PER2: variants seen among roughly 807,000 people sequenced by gnomAD.
PER2 encodes period circadian protein homolog 2.
In PER2, 66 loss-of-function variants were observed where a neutral mutation model predicts 121.0. The observed-to-expected ratio is 0.55, with a 90% CI of 0.45 to 0.67. The LOEUF is 0.67. Among genes scored for constraint, PER2 ranks in the 30% least tolerant of loss-of-function variants. The probability of loss-of-function intolerance (pLI) is 0.00; values close to 1 mark genes in which losing one functional copy is unlikely to be tolerated. For missense variants in PER2, 1,521 were observed against 1,635.0 expected (o/e 0.93, Z 1.20); for synonymous variants, 684 against 659.9 (o/e 1.04, Z -0.56).
Position 238,268,144 on chromosome 2 carries a change from G to A in PER2, c.879C>T (p.Pro293=). 6.2e-7 allele frequency: 1 copy of A among 1,614,122 alleles called. No individual in the cohort carries two copies. The highest frequency in any genetic ancestry group is 1.1e-5 in the South Asian group (1 of 91,086). ...EIRYHPFRMT[P]YLVKVRDQQG... ...GTTGGTCCCGCACCTTGACCAGGTA[G>A]GGCGTCATGCGGAAGGGGTGGTAGC... Residue 293 remains proline, a synonymous_variant, in exon 8 of 23, where the codon CCC becomes CCT. Coordinates refer to ENST00000254657, the MANE Select transcript of PER2 (RefSeq NM_022817.3). This position sits in a 1 kb window ranked among gnomAD's most constrained non-coding sequence, Gnocchi z 4.0.
intron 5 of PER2, 62 bp from the exon 6 acceptor site, chr2:238,271,575 T>G: frequency 7.6e-7 from 1 of 1,321,546 alleles, no homozygotes; most frequent in Non-Finnish European, 1.1e-6. Context: ...CACATCCGAC[T>G]CAGGCAGGCA....
chr2:238,283,878 T>C (rs748233182), intron 1 of PER2, among the ~76,000 whole-genome samples: 16 of 152,308 alleles, frequency 1.1e-4, no homozygotes, highest in Non-Finnish European at 2.2e-4. Flanking sequence ...CAGCTGGTCC[T>C]TTCTGCTCTG....
In PER2 at chr2:238,251,683, C is replaced by A. The variant is rs1695604692; in HGVS notation, c.3190G>T (p.Asp1064Tyr). Residue 1064 changes from aspartate (D) to tyrosine (Y), a missense_variant, in exon 20 of 23, where the codon GAC becomes TAC. Physicochemically the swap from Asp to Tyr is radical, Grantham distance 160 (BLOSUM62 -3). Coordinates refer to ENST00000254657, the MANE Select transcript of PER2 (RefSeq NM_022817.3). Reference protein sequence around the residue: ...SGLLNLLLNEDLCSASGSAAS... With the variant: ...SGLLNLLLNEYLCSASGSAAS... Reference sequence around the variant, plus strand: ...GCAGAGCCCGAGGCTGAGCAGAGGTCCTCATTCAGCAGGAGGTTTAGGAGG... The same window carrying A: ...GCAGAGCCCGAGGCTGAGCAGAGGTACTCATTCAGCAGGAGGTTTAGGAGG... 1 of 1,613,982 alleles carries A rather than the reference C, an allele frequency of 6.2e-7. No individual in the cohort carries two copies. Among genetic ancestry groups the A allele is most frequent in the African/African-American group, 1.3e-5 (1 of 74,936 alleles).
At position 238,268,856 on chromosome 2, in the gene PER2, C is replaced by A; in HGVS notation, c.824+67G>T. 5.9e-6 allele frequency: 7 copies of A among 1,190,864 alleles called. No individual in the cohort carries two copies. Among genetic ancestry groups the A allele is most frequent in the South Asian group, 2.4e-5 (2 of 82,196 alleles). 73.8% of individuals were successfully genotyped at this position (1,190,864 alleles called of 1,614,324 possible). A position where few individuals can be genotyped will look rare whatever the true frequency, so the allele number is the denominator to read the frequency against. ...AGGGATCACGCCCCCCAGCCTCAAG[C>A]GGAGCAGTGCTGGGGTGAAATGTTT... On this transcript the variant is annotated intron_variant, in intron 7 of 22. Transcript: ENST00000254657. The surrounding 1 kb of genome is among the most constrained non-coding windows in gnomAD (Gnocchi z 4.0).
At chr2:238,256,418 G>A (rs1410530453) in intron 17 of PER2, among the ~76,000 whole-genome samples, 1 of 152,190 alleles carries the variant, frequency 6.6e-6, no homozygotes, top group Non-Finnish European at 1.5e-5. Context: ...TCTTAGTAAA[G>A]AACAAATTCA....
intron 2 of PER2, 38 bp downstream of exon 2, chr2:238,277,669 A>T: frequency 1.2e-6 from 2 of 1,611,340 alleles, no homozygotes; most frequent in East Asian, 2.2e-5. Context: ...TGAGAAAACA[A>T]CCTGCCCAGC....
At chr2:238,281,027 G>A (rs1696614127) in intron 1 of PER2, among the ~76,000 whole-genome samples, 1 of 148,228 alleles carries the variant, frequency 6.7e-6, no homozygotes, top group South Asian at 2.1e-4. Flanking sequence ...TTTTTTGAGA[G>A]GGAGTCTTGC....
chr2:238,249,353 CTT>C lies in PER2; in HGVS notation c.3468-143_3468-142del, dbSNP rs1574838067. On this transcript the variant is annotated intron_variant, in intron 21 of 22. Transcript: ENST00000254657. ...TTAAAAAAATTTTCATTTAAGGTAACTTAATCTCCCTAGTAAAGAACCCGTAG... is the reference window on the plus strand; with the variant it reads ...TTAAAAAAATTTTCATTTAAGGTAACAATCTCCCTAGTAAAGAACCCGTAG... 2.0e-5 allele frequency: 15 copies of C among 752,316 alleles called. 1 individual carries two copies. In the South Asian group the frequency reaches 2.4e-4, roughly 12 times the overall value. The allele number at this position is 752,316 out of a possible 1,614,324, so 46.6% of individuals were successfully genotyped here.
intron 4 of PER2, among the ~76,000 whole-genome samples, chr2:238,274,702 G>A (rs1269738100): frequency 6.6e-6 from 1 of 152,232 alleles, no homozygotes; most frequent in Non-Finnish European, 1.5e-5. Flanking sequence ...CCAGAGCGGT[G>A]CCCTCCATGG....
chr2:238,258,850 G>T (rs1695842107), intron 14 of PER2, among the ~76,000 whole-genome samples: 1 of 152,088 alleles, frequency 6.6e-6, no homozygotes, highest in Non-Finnish European at 1.5e-5. Context: ...CCTGGGGGGG[G>T]AGCTGCTGCC....
At chr2:238,285,859 C>T (rs1161255665) in intron 1 of PER2, among the ~76,000 whole-genome samples, 2 of 130,304 alleles carry the variant, frequency 1.5e-5, no homozygotes, top group African/African-American at 5.1e-5. Context: ...GATTTTACAA[C>T]CCCAAATATT....
chr2:238,291,651 T>C (rs1696952029), upstream of PER2, among the ~76,000 whole-genome samples: 1 of 152,144 alleles, frequency 6.6e-6, no homozygotes, highest in South Asian at 2.1e-4. Flanking sequence ...CCTAGGGACA[T>C]TGGAGATGAT....
chr2:238,259,525 T>C (rs1318465276), intron 14 of PER2, among the ~76,000 whole-genome samples: 1 of 152,186 alleles, frequency 6.6e-6, no homozygotes, highest in Non-Finnish European at 1.5e-5. Flanking sequence ...TTTGAGTGTA[T>C]GTGGATGCTG....
Position 238,253,685 on chromosome 2 carries a change from T to C in PER2, c.2338A>G (p.Asn780Asp). 2 of 1,606,664 alleles carry C rather than the reference T, an allele frequency of 1.2e-6. No individual in the cohort carries two copies. The highest frequency in any genetic ancestry group is 1.3e-5 in the African/African-American group (1 of 74,912). ...PSERTAPGLR[N>D]TSGIDSPWKK... is the part of the protein sequence containing the mutation. ...CAAGGTGAATCTATTCCGGAAGTAT[T>C]TCTTAGTCCAGGGGCAGCTAATGCA... Residue 780 changes from asparagine (N) to aspartate (D), a missense_variant, in exon 19 of 23, where the codon AAT becomes GAT. Coordinates refer to ENST00000254657, the MANE Select transcript of PER2 (RefSeq NM_022817.3). The surrounding 1 kb of genome is among the most constrained non-coding windows in gnomAD (Gnocchi z 5.6).
At chr2:238,292,782 G>A (rs1234658601), upstream of PER2, among the ~76,000 whole-genome samples, 1 of 147,474 alleles carries the variant, frequency 6.8e-6, no homozygotes, top group Non-Finnish European at 1.5e-5. Context: ...CTTTCGCCCA[G>A]ACTGGAGTGC....
rs1695428247 is a variant in PER2 at position 238,245,681 on chromosome 2, A to AC, written c.*693_*694insG. 2.5e-6 allele frequency: 1 copy of AC among 398,676 alleles called. No individual in the cohort carries two copies. Among genetic ancestry groups the AC allele is most frequent in the Non-Finnish European group, 4.4e-6 (1 of 226,080 alleles). 24.7% of individuals were successfully genotyped at this position (398,676 alleles called of 1,614,324 possible). A position where few individuals can be genotyped will look rare whatever the true frequency, so the allele number is the denominator to read the frequency against. On this transcript the variant is annotated 3_prime_UTR_variant, in exon 23 of 23. Coordinates refer to ENST00000254657, the MANE Select transcript of PER2 (RefSeq NM_022817.3). ...AGAGGGTCTGTCTGCGTGTGCATTC[A>AC]TCCGATGGAGTTGGCCACACAAACC...
intron 14 of PER2, among the ~76,000 whole-genome samples, chr2:238,259,283 T>C (rs1428191121): frequency 6.6e-6 from 1 of 152,142 alleles, no homozygotes; most frequent in African/African-American, 2.4e-5. Context: ...GCACAGAGAA[T>C]GAGCAAGGGC....
the PER2 span, among the ~76,000 whole-genome samples, chr2:238,295,204 A>AGTT: frequency 6.5e-3 from 966 of 148,782 alleles, 12 homozygotes; most frequent in African/African-American, 0.023. Context: ...GAAGCAACAA[A>AGTT]GTTGTTGTTG....
At chr2:238,250,016 T>G (rs1695555519) in intron 21 of PER2, among the ~76,000 whole-genome samples, 1 of 152,212 alleles carries the variant, frequency 6.6e-6, no homozygotes, top group Admixed American at 6.5e-5. Context: ...CTTCCTTTCT[T>G]TCCTCCCAGC....
Sources: gnomAD v4.1 joint callset for allele counts (sites outside exome capture counted in the v4.1 genomes callset) on GRCh38, gnomAD v4.1.1 for gene constraint, Gnocchi (gnomAD v3.1) non-coding constraint, MANE v1.5 for transcripts, NCBI Gene and HGNC (gene_info 2026-07-23, HGNC 2026-07-21) for gene names.